Variants in BANP observed in about 807,000 individuals in gnomAD.
BANP encodes the protein protein BANP.
Under a neutral mutation model 68.1 loss-of-function variants are expected in BANP, and 11 were observed. The observed-to-expected ratio is 0.16, with a 90% CI of 0.10 to 0.27. BANP has a LOEUF of 0.27. Among genes scored for constraint, BANP ranks in the 10% least tolerant of loss-of-function variants. BANP has a pLI of 1.00. For missense variants in BANP, 504 were observed against 722.7 expected, an observed-to-expected ratio of 0.70 and a Z score of 3.47; for synonymous variants, 329 against 303.2, an observed-to-expected ratio of 1.09 and a Z score of -0.88.
At chr16:88,054,045 C>T (rs2084203298) in intron 11 of BANP, among the ~76,000 whole-genome samples, 1 of 89,498 alleles carries the variant, frequency 1.1e-5, no homozygotes, top group Admixed American at 1.0e-4. Context: ...CTGTCATCTC[C>T]ATCATCATCA....
chr16:88,053,853 C>T (rs2084098629), intron 11 of BANP, among the ~76,000 whole-genome samples: 4 of 138,280 alleles, frequency 2.9e-5, no homozygotes, highest in Admixed American at 7.2e-5. Context: ...CCACTACCAC[C>T]CCCACCTCCT....
At chr16:87,986,273 A>G (rs1184984438) in intron 4 of BANP, among the ~76,000 whole-genome samples, 1 of 152,206 alleles carries the variant, frequency 6.6e-6, no homozygotes, top group African/African-American at 2.4e-5. Context: ...GTCACTTGTC[A>G]CTTGTCACGT....
intron 1 of BANP, among the ~76,000 whole-genome samples, chr16:87,969,357 A>T (rs1294285113): frequency 6.6e-6 from 1 of 152,056 alleles, no homozygotes; most frequent in African/African-American, 2.4e-5. Context: ...TAGCATTTTG[A>T]TAGCTATTGC....
At chr16:88,066,923 T>C (rs559308458) in intron 12 of BANP, among the ~76,000 whole-genome samples, 5 of 152,340 alleles carry the variant, frequency 3.3e-5, no homozygotes, top group East Asian at 1.9e-4. Flanking sequence ...TGGGTGACTC[T>C]GCTAGGCAGA....
At chr16:88,061,667 TTTC>T (rs200761648) in intron 11 of BANP, among the ~76,000 whole-genome samples, 4 of 109,692 alleles carry the variant, frequency 3.6e-5, no homozygotes, top group Non-Finnish European at 5.2e-5. Flanking sequence ...CTCATTTTTC[TTTC>T]TTTTTTTTTT....
At chr16:87,990,853 C>G (rs1412082894) in intron 4 of BANP, among the ~76,000 whole-genome samples, 1 of 152,208 alleles carries the variant, frequency 6.6e-6, no homozygotes, top group African/African-American at 2.4e-5. Context: ...ACCTCCGCCT[C>G]CCAGGTTCAC....
chr16:88,022,412 C>T (rs922517599), intron 7 of BANP, among the ~76,000 whole-genome samples: 3 of 152,224 alleles, frequency 2.0e-5, no homozygotes, highest in African/African-American at 7.2e-5. Flanking sequence ...TACGGAAAGA[C>T]TGGATTCATT....
intron 11 of BANP, among the ~76,000 whole-genome samples, chr16:88,048,588 G>T (rs1273126864): frequency 6.6e-6 from 1 of 151,720 alleles, no homozygotes; most frequent in African/African-American, 2.4e-5. Flanking sequence ...AAAGGGCATC[G>T]ATTCTAACAG....
chr16:88,034,602 C>T (rs538925554), intron 9 of BANP, among the ~76,000 whole-genome samples: 1,912 of 8,118 alleles, frequency 0.24, 47 homozygotes, highest in African/African-American at 0.27. Context: ...CCTGCTTCAG[C>T]CACACACTGC....
intron 11 of BANP, among the ~76,000 whole-genome samples, chr16:88,061,078 C>T (rs1413643272): frequency 6.6e-6 from 1 of 152,214 alleles, no homozygotes; most frequent in African/African-American, 2.4e-5. Flanking sequence ...CCTCCACTTC[C>T]CTTCCTTCGA....
intron 11 of BANP, among the ~76,000 whole-genome samples, chr16:88,045,817 C>G (rs935917134): frequency 2.6e-5 from 4 of 151,774 alleles, no homozygotes; most frequent in African/African-American, 9.7e-5. Context: ...GCCATGTGTC[C>G]CAGTCTCAGG....
intron 1 of BANP, among the ~76,000 whole-genome samples, chr16:87,970,854 C>G (rs963267438): frequency 6.6e-6 from 1 of 152,054 alleles, no homozygotes; most frequent in Non-Finnish European, 1.5e-5. Context: ...CCCGTCTCTA[C>G]TAAAATACAA....
In BANP at chr16:88,060,118, T is replaced by C. The variant is rs115534026; in HGVS notation, c.1312-5149T>C. On this transcript the variant is annotated intron_variant, in intron 11 of 13. Transcript: ENST00000682872. ...CCGAAGGTGCCGAAGTGTGAGCGGCTTGTGTGAGAAGTGTGCAAAGGTGCT... is the reference window on the plus strand; with the variant it reads ...CCGAAGGTGCCGAAGTGTGAGCGGCCTGTGTGAGAAGTGTGCAAAGGTGCT... Among the ~76,000 whole-genome samples the C allele has an allele frequency of 3.4e-3, 522 of 152,368 alleles. 4 individuals are homozygous for C. The highest frequency in any genetic ancestry group is 0.012 in the African/African-American group (499 of 41,594).
chr16:88,046,239 T>C (rs1206077331), intron 11 of BANP, among the ~76,000 whole-genome samples: 2 of 152,192 alleles, frequency 1.3e-5, no homozygotes, highest in South Asian at 2.1e-4. Context: ...AATGTGTGTG[T>C]GTGTGTGATT....
rs2069999823 is a variant in BANP at position 88,003,393 on chromosome 16, G to A, written c.363-902G>A. The stretch of plus-strand genomic sequence containing the variant: ...CACAGAAAGGCAGGCTTCCCAGGTT[G>A]GTTTTTGGAGAGTGAAATCCAAGAA... On this transcript the variant is annotated intron_variant, in intron 4 of 13. Transcript: ENST00000682872. This position sits in a 1 kb window ranked among gnomAD's most constrained non-coding sequence, Gnocchi z 6.1. 2.2e-6 allele frequency: 1 copy of A among 454,854 alleles called. No homozygotes were observed. Among genetic ancestry groups the A allele is most frequent in the South Asian group, 1.6e-5 (1 of 64,432 alleles). 28.2% of individuals were successfully genotyped at this position (454,854 alleles called of 1,614,324 possible).
chr16:87,966,543 G>C (rs925239458), intron 1 of BANP, among the ~76,000 whole-genome samples: 1 of 152,148 alleles, frequency 6.6e-6, no homozygotes, highest in African/African-American at 2.4e-5. Flanking sequence ...CTTGATCCTG[G>C]CAACAGAGGC....
intron 4 of BANP, among the ~76,000 whole-genome samples, chr16:87,984,970 C>G (rs549926229): frequency 6.6e-6 from 1 of 152,238 alleles, no homozygotes; most frequent in Non-Finnish European, 1.5e-5. Flanking sequence ...TTCAGGTTCC[C>G]TGGCCTGGCT....
chr16:87,967,216 A>C (rs2145329677), intron 1 of BANP, among the ~76,000 whole-genome samples: 1 of 151,214 alleles, frequency 6.6e-6, no homozygotes, highest in East Asian at 1.9e-4. Context: ...GAAACTTTGC[A>C]AAGTTTTGTC....
At chr16:88,039,592 AC>A (rs1447552824) in intron 11 of BANP, among the ~76,000 whole-genome samples, 2 of 141,892 alleles carry the variant, frequency 1.4e-5, no homozygotes, top group Non-Finnish European at 3.2e-5. Flanking sequence ...TAAAGACAGA[AC>A]CAGCCTTTTA....
Sources: allele counts gnomAD v4.1 joint callset (sites outside exome capture counted in the v4.1 genomes callset), GRCh38; gene constraint gnomAD v4.1.1; non-coding constraint Gnocchi (gnomAD v3.1); transcripts MANE v1.5; gene names NCBI Gene and HGNC (gene_info 2026-07-23, HGNC 2026-07-21).